ARMC9: variants seen among roughly 807,000 people sequenced by gnomAD.
ARMC9 encodes armadillo repeat containing 9.
A neutral mutation model predicts 107.0 loss-of-function variants in ARMC9; 94 were observed. That is an observed-to-expected ratio of 0.88 (90% confidence interval 0.74 to 1.04). The LOEUF is 1.04. Among genes scored for constraint, ARMC9 ranks in the 50% least tolerant of loss-of-function variants. The probability of loss-of-function intolerance (pLI) is 0.00; values close to 1 mark genes in which losing one functional copy is unlikely to be tolerated. For synonymous variants in ARMC9, 380 were observed against 396.9 expected, an observed-to-expected ratio of 0.96 and a Z score of 0.51; for missense variants, 942 against 1,030.1, an observed-to-expected ratio of 0.91 and a Z score of 1.17.
intron 6 of ARMC9, among the ~76,000 whole-genome samples, chr2:231,225,126 A>G (rs1450926822): frequency 6.6e-6 from 1 of 152,248 alleles, no homozygotes; most frequent in Non-Finnish European, 1.5e-5. Flanking sequence ...GAAAATTTGG[A>G]AAGTACAGAA....
At chr2:231,226,846 A>C in intron 7 of ARMC9, 48 bp downstream of exon 7, 1 of 1,579,512 alleles carries the variant, frequency 6.3e-7, no homozygotes, top group Non-Finnish European at 8.7e-7. Context: ...TTGCCAGTTC[A>C]GGTTTGAAGT....
At chr2:231,260,505 G>C (rs1464630819) in intron 11 of ARMC9, among the ~76,000 whole-genome samples, 2 of 152,168 alleles carry the variant, frequency 1.3e-5, no homozygotes, top group Non-Finnish European at 2.9e-5. Context: ...TCCCATCTGT[G>C]GATAGAAACA....
At chr2:231,303,556 G>A (rs936872096) in intron 19 of ARMC9, among the ~76,000 whole-genome samples, 2 of 152,160 alleles carry the variant, frequency 1.3e-5, no homozygotes, top group African/African-American at 4.8e-5. Context: ...TGAGTGTTGG[G>A]TTTTGTTAAA....
At chr2:231,200,695 C>T (rs1488269826) in intron 1 of ARMC9, among the ~76,000 whole-genome samples, 5 of 131,064 alleles carry the variant, frequency 3.8e-5, no homozygotes, top group East Asian at 2.1e-4. Flanking sequence ...ATTAGCTGGG[C>T]GTCATGGCGC....
intron 19 of ARMC9, among the ~76,000 whole-genome samples, chr2:231,316,690 AG>A (rs1451711759): frequency 6.6e-6 from 1 of 151,908 alleles, no homozygotes; most frequent in East Asian, 1.9e-4. Flanking sequence ...AGAAAAAAAA[AG>A]AATTCTTAGT....
At position 231,362,666 on chromosome 2, in the gene ARMC9, G is replaced by A. The variant is rs918357724; in HGVS notation, c.2261+1783G>A. 3 of 152,950 alleles carry A rather than the reference G, an allele frequency of 2.0e-5. No individual in the cohort carries two copies. Among genetic ancestry groups the A allele is most frequent in the African/African-American group, 7.3e-5 (3 of 41,184 alleles). The allele number at this position is 152,950 out of a possible 1,614,324, so 9.5% of individuals were successfully genotyped here. On this transcript the variant is annotated intron_variant, in intron 23 of 24. Coordinates refer to ENST00000611582, the MANE Select transcript of ARMC9 (RefSeq NM_001352754.2). The surrounding 1 kb of genome is among the most constrained non-coding windows in gnomAD (Gnocchi z 4.7). ...AGGATGGAAGGAGGGAGAAGTACAA[G>A]TTGTTCCATCTTCCTCTTCCTCCCT... is the stretch of plus-strand genomic sequence containing the variant.
At chr2:231,256,456 AAC>A in intron 9 of ARMC9, 128 bp from the exon 10 acceptor site, 1 of 1,318,162 alleles carries the variant, frequency 7.6e-7, no homozygotes, top group Non-Finnish European at 1.1e-6. Flanking sequence ...TAAAAAAAAA[AAC>A]CAAAAAAAAA....
chr2:231,283,683 G>C (rs1013454830), intron 17 of ARMC9, among the ~76,000 whole-genome samples: 2 of 152,136 alleles, frequency 1.3e-5, no homozygotes, highest in African/African-American at 4.8e-5. Flanking sequence ...ACCTGCCTCA[G>C]CCTCCCAAAG....
chr2:231,359,797 C>A (rs1257533314), intron 22 of ARMC9, among the ~76,000 whole-genome samples: 2 of 152,226 alleles, frequency 1.3e-5, no homozygotes, highest in Admixed American at 6.5e-5. Flanking sequence ...CCAGTGCCAC[C>A]CGCTGGGTTC....
chr2:231,213,169 T>TC (rs903741528), intron 3 of ARMC9, among the ~76,000 whole-genome samples: 1 of 151,724 alleles, frequency 6.6e-6, no homozygotes. Context: ...TTTTTCTTTT[T>TC]TTTTTTTTTT....
At chr2:231,350,694 G>A (rs2125587520) in intron 21 of ARMC9, among the ~76,000 whole-genome samples, 1 of 151,850 alleles carries the variant, frequency 6.6e-6, no homozygotes, top group East Asian at 1.9e-4. Context: ...CTTGAGGGAA[G>A]GTCAGGACCC....
intron 12 of ARMC9, among the ~76,000 whole-genome samples, chr2:231,268,271 C>G (rs12621280): frequency 0.28 from 42,748 of 151,948 alleles, 6,201 homozygotes; most frequent in African/African-American, 0.32. Flanking sequence ...TACTAGTTAG[C>G]CACATGTTCG....
chr2:231,240,247 A>G, intron 9 of ARMC9: 1 of 581,322 alleles, frequency 1.7e-6, no homozygotes, highest in Non-Finnish European at 3.0e-6. Flanking sequence ...GGGTGAGGAG[A>G]GAGGCGTGTT....
chr2:231,217,466 A>G (rs1423581385), intron 5 of ARMC9, among the ~76,000 whole-genome samples: 1 of 151,734 alleles, frequency 6.6e-6, no homozygotes, highest in Non-Finnish European at 1.5e-5. Flanking sequence ...GCTACTCAGG[A>G]GGCTGAGGCA....
chr2:231,281,992 T>C, intron 16 of ARMC9, 67 bp from the exon 17 acceptor site: 1 of 1,437,164 alleles, frequency 7.0e-7, no homozygotes, highest in Non-Finnish European at 9.8e-7. Flanking sequence ...TGAGGTGTGG[T>C]GTTTGATATA....
At chr2:231,292,507 C>T (rs893051954) in intron 18 of ARMC9, among the ~76,000 whole-genome samples, 4 of 152,200 alleles carry the variant, frequency 2.6e-5, no homozygotes, top group Admixed American at 1.3e-4. Flanking sequence ...GGTCCTCATT[C>T]TATCCAGCCT....
intron 7 of ARMC9, 127 bp downstream of exon 7, chr2:231,226,925 G>T: frequency 1.8e-6 from 2 of 1,136,902 alleles, no homozygotes; most frequent in Admixed American, 2.2e-5. Context: ...TTTATGAAAG[G>T]CTTTGCAGTC....
In ARMC9 at chr2:231,339,706, G is replaced by A. The variant is rs147786078; in HGVS notation, c.1879-5269G>A. On this transcript the variant is annotated intron_variant, in intron 20 of 24. Transcript: ENST00000611582. ...TGTAATCCCAACACCTTGGGAGGCCGAGGTGGGCAGATCACCTGAATTCAA... is the reference window on the plus strand; with the variant it reads ...TGTAATCCCAACACCTTGGGAGGCCAAGGTGGGCAGATCACCTGAATTCAA... 3.3e-3 allele frequency among the ~76,000 whole-genome samples: 510 copies of A among 152,358 alleles called. 5 individuals are homozygous for A. Among genetic ancestry groups the A allele is most frequent in the African/African-American group, 0.011 (475 of 41,592 alleles).
intron 16 of ARMC9, among the ~76,000 whole-genome samples, chr2:231,280,587 C>T (rs910398947): frequency 7.2e-5 from 11 of 152,080 alleles, no homozygotes; most frequent in Non-Finnish European, 1.3e-4. Context: ...CTGTAGTAGT[C>T]ATGATCTTGA....
Sources: gnomAD v4.1 joint callset for allele counts (sites outside exome capture counted in the v4.1 genomes callset) on GRCh38, gnomAD v4.1.1 for gene constraint, Gnocchi (gnomAD v3.1) non-coding constraint, MANE v1.5 for transcripts, NCBI Gene and HGNC (gene_info 2026-07-23, HGNC 2026-07-21) for gene names.